Variants in MORN1 observed in about 807,000 individuals in gnomAD.
MORN1 encodes MORN repeat-containing protein 1.
In MORN1, 67 loss-of-function variants were observed where a neutral mutation model predicts 61.9. The observed-to-expected ratio is 1.08, with a 90% CI of 0.89 to 1.33. The LOEUF (loss-of-function observed/expected upper bound fraction) is 1.33. Ranked by LOEUF, MORN1 falls within the 40% of genes most tolerant of loss-of-function variation. MORN1 has a pLI of 0.00. For synonymous variants in MORN1, 301 were observed against 292.0 expected, an observed-to-expected ratio of 1.03 and a Z score of -0.31; for missense variants, 752 against 691.2, an observed-to-expected ratio of 1.09 and a Z score of -0.99.
In MORN1 at chr1:2,387,079, AG is replaced by A. The variant is rs1570053153; in HGVS notation, c.358+339del. On this transcript the variant is annotated intron_variant, in intron 4 of 13. Transcript: ENST00000378531. ...GTGACCCCACATAGACCAGACCAGA[AG>A]CCCCTCCCTGCAGGGCCCAGGCCAA... 3 of 344,902 alleles carry A rather than the reference AG, an allele frequency of 8.7e-6. No individual in the cohort carries two copies. The East Asian group carries it at 1.7e-4, about 20-fold the overall frequency. 21.4% of individuals were successfully genotyped at this position (344,902 alleles called of 1,614,324 possible).
rs916550766 is a variant in MORN1, at chr1:2,334,531, G to C, written c.1250+1938C>G. 6.4e-4 allele frequency among the ~76,000 whole-genome samples: 97 copies of C among 152,184 alleles called. No individual in the cohort carries two copies. The highest frequency in any genetic ancestry group is 3.1e-3 in the Admixed American group (48 of 15,290). ...CTGCATGGAGAGGCGGGGCTCCCTT[G>C]GGGGAGCAGGCCTGGTTTTGGGCTG... On this transcript the variant is annotated intron_variant, in intron 12 of 13. Coordinates refer to ENST00000378531, the MANE Select transcript of MORN1 (RefSeq NM_024848.3). This position sits in a 1 kb window ranked among gnomAD's most constrained non-coding sequence, Gnocchi z 5.4.
rs766959893 is a variant in MORN1 at position 2,328,931 on chromosome 1, C to T, written c.1251-4788G>A. ...CCGCCCAGGGAGGCCCCTCTGCACC[C>T]GCAGGCATCTGCAGCCCAGGGAGAT... is the stretch of plus-strand genomic sequence containing the variant. On this transcript the variant is annotated intron_variant, in intron 12 of 13. Transcript: ENST00000378531. 3.9e-5 allele frequency among the ~76,000 whole-genome samples: 6 copies of T among 152,202 alleles called. No homozygotes were observed. The East Asian group carries it at 7.7e-4, about 20-fold the overall frequency.
rs766279315 is a variant in MORN1, at chr1:2,357,513, C to A, written c.955G>T (p.Asp319Tyr). 6.2e-7 allele frequency: 1 copy of A among 1,612,814 alleles called. No individual in the cohort carries two copies. Among genetic ancestry groups the A allele is most frequent in the African/African-American group, 1.3e-5 (1 of 75,034 alleles). Residue 319 changes from aspartate (D) to tyrosine (Y), a missense_variant, in exon 10 of 14, where the codon GAC (aspartate) becomes TAC (tyrosine). Transcript: ENST00000378531. This position sits in a 1 kb window ranked among gnomAD's most constrained non-coding sequence, Gnocchi z 6.3. The stretch of plus-strand genomic sequence containing the variant: ...AGGTCTCCCCTGGGCAGGGGCACGT[C>A]GGCTTCTGCCCCTCCCTTGGCAGCT... ...PRAAKGGAEA[D>Y]VPLPRGDLEL...
chr1:2,323,503 T>A lies in MORN1; in HGVS notation c.1297+594A>T. On this transcript the variant is annotated intron_variant, in intron 13 of 13. Coordinates refer to ENST00000378531, the MANE Select transcript of MORN1 (RefSeq NM_024848.3). ...GTCCTGCTAGGGGTCCGAGCCTTTG[T>A]GTAGCTGAGGTGCCCTGGCATTCGG... 4.1e-6 allele frequency: 4 copies of A among 985,372 alleles called. No homozygotes were observed. In the South Asian group the frequency reaches 1.9e-4, roughly 46 times the overall value. The allele number at this position is 985,372 out of a possible 1,614,324, so 61.0% of individuals were successfully genotyped here. A position where few individuals can be genotyped will look rare whatever the true frequency, so the allele number is the denominator to read the frequency against.
chr1:2,372,376 C>A lies in MORN1; in HGVS notation c.745+105G>T. On this transcript the variant is annotated intron_variant, in intron 8 of 13. Transcript: ENST00000378531. The surrounding 1 kb of genome is among the most constrained non-coding windows in gnomAD (Gnocchi z 5.4). ...TCTGGGCACGAAGTCACTGCTGTGCCTCAGGAGCCACATGCAACATCTCGT... is the reference window on the plus strand; with the variant it reads ...TCTGGGCACGAAGTCACTGCTGTGCATCAGGAGCCACATGCAACATCTCGT... The A allele has an allele frequency of 1.1e-6, 1 of 876,842 alleles. No homozygotes were observed. The allele number at this position is 876,842 out of a possible 1,614,324, so 54.3% of individuals were successfully genotyped here.
rs1445709487 is a variant in MORN1 at position 2,334,031 on chromosome 1, C to T, written c.1250+2438G>A. ...TGCATGGGAGACCCCAGAGCTTCTT[C>T]CTCACCGCAGAGCAGACAGAAGGCA... On this transcript the variant is annotated intron_variant, in intron 12 of 13. Transcript: ENST00000378531. This position sits in a 1 kb window ranked among gnomAD's most constrained non-coding sequence, Gnocchi z 5.4. Among the ~76,000 whole-genome samples, 1 of 152,136 alleles carries T rather than the reference C, an allele frequency of 6.6e-6. No individual in the cohort carries two copies. The highest frequency in any genetic ancestry group is 1.5e-5 in the Non-Finnish European group (1 of 68,032).
At chr1:2,388,584 C>G in intron 2 of MORN1, 2 of 450,064 alleles carry the variant, frequency 4.4e-6, no homozygotes, top group Non-Finnish European at 8.0e-6. Context: ...AGGCAGCCAG[C>G]CTGAGCAACA....
At chr1:2,322,738 G>T in intron 13 of MORN1, 1 of 985,490 alleles carries the variant, frequency 1.0e-6, no homozygotes, top group South Asian at 4.7e-5. Flanking sequence ...CAGGAATCCA[G>T]CTATACCAGT....
chr1:2,336,404 C>T (rs1377576525), intron 12 of MORN1, 65 bp downstream of exon 12: 15 of 1,521,626 alleles, frequency 9.9e-6, no homozygotes, highest in Middle Eastern at 4.7e-4. Flanking sequence ...GTCCTCCTGG[C>T]CCAGCTGATG....
chr1:2,325,768 C>T (rs35006635), intron 12 of MORN1, among the ~76,000 whole-genome samples: 13,231 of 150,630 alleles, frequency 0.088, 907 homozygotes, highest in East Asian at 0.37. Flanking sequence ...ATTACAGGCA[C>T]GTGCCATCAT....
At chr1:2,339,841 G>A (rs757035014) in intron 10 of MORN1, among the ~76,000 whole-genome samples, 1 of 152,202 alleles carries the variant, frequency 6.6e-6, no homozygotes, top group Non-Finnish European at 1.5e-5. Flanking sequence ...ACAAGCTTGC[G>A]CATCCCCTAA....
At chr1:2,326,537 G>C (rs1255210989) in intron 12 of MORN1, 2 of 152,262 alleles carry the variant, frequency 1.3e-5, no homozygotes, top group Non-Finnish European at 2.9e-5. Context: ...TGTCCACAGG[G>C]ACCGCACATG....
Position 2,357,409 on chromosome 1 carries a change from A to G in MORN1, c.1036+23T>C. ...CTGGGCCTGGGCCCACCCACCCCCA[A>G]CTGGTTTGTGAGCTCCACTTACCAA... On this transcript the variant is annotated intron_variant, in intron 10 of 13. Coordinates refer to ENST00000378531, the MANE Select transcript of MORN1 (RefSeq NM_024848.3). The surrounding 1 kb of genome is among the most constrained non-coding windows in gnomAD (Gnocchi z 6.3). 1.3e-6 allele frequency: 2 copies of G among 1,568,070 alleles called. No homozygotes were observed. The highest frequency in any genetic ancestry group is 1.2e-5 in the South Asian group (1 of 85,318).
intron 12 of MORN1, among the ~76,000 whole-genome samples, chr1:2,331,035 C>T (rs769514042): frequency 2.6e-5 from 4 of 152,256 alleles, no homozygotes; most frequent in Admixed American, 6.5e-5. Flanking sequence ...CTCTCAGAAA[C>T]GCGGCCCCTC....
chr1:2,361,787 C>T (rs1379867304), intron 8 of MORN1, among the ~76,000 whole-genome samples: 1 of 152,152 alleles, frequency 6.6e-6, no homozygotes, highest in South Asian at 2.1e-4. Flanking sequence ...ATTCCGACTC[C>T]CCACAGCTTT....
intron 6 of MORN1, chr1:2,375,770 C>T (rs944560636): frequency 6.6e-6 from 1 of 152,358 alleles, no homozygotes; most frequent in African/African-American, 2.4e-5. Flanking sequence ...GCTGTCTGGA[C>T]AGGGCCCTTG....
intron 10 of MORN1, chr1:2,351,851 C>T: frequency 1.9e-6 from 1 of 514,650 alleles, no homozygotes; most frequent in Non-Finnish European, 3.8e-6. Context: ...TACTCTTGCC[C>T]ACGGTCACGA....
intron 1 of MORN1, among the ~76,000 whole-genome samples, chr1:2,391,182 G>A (rs151309380): frequency 0.011 from 1,682 of 152,274 alleles, 32 homozygotes; most frequent in African/African-American, 0.039. Context: ...GGCTGCGGCC[G>A]GAACCCGGTC....
intron 10 of MORN1, among the ~76,000 whole-genome samples, chr1:2,353,790 A>G (rs997020120): frequency 6.6e-6 from 1 of 152,188 alleles, no homozygotes; most frequent in Non-Finnish European, 1.5e-5. Context: ...GGGAGGCCAC[A>G]TGTCCCCACC....
Sources: gnomAD v4.1 joint callset for allele counts (sites outside exome capture counted in the v4.1 genomes callset) on GRCh38, gnomAD v4.1.1 for gene constraint, Gnocchi (gnomAD v3.1) non-coding constraint, MANE v1.5 for transcripts, NCBI Gene and HGNC (gene_info 2026-07-23, HGNC 2026-07-21) for gene names.